The following TMEM184C variants were observed in gnomAD, a reference collection of about 807,000 sequenced individuals.
The protein encoded by TMEM184C is transmembrane protein 34.
A neutral mutation model predicts 54.5 loss-of-function variants in TMEM184C; 25 were observed. The observed-to-expected ratio is 0.46, with a 90% CI of 0.33 to 0.64. The LOEUF is 0.64. Ranked by LOEUF, TMEM184C falls within the 30% of genes least tolerant of loss-of-function variation. The pLI, the probability that TMEM184C is intolerant of heterozygous loss-of-function variation, is 0.02. For missense variants in TMEM184C, 335 were observed against 520.3 expected (o/e 0.64, Z 3.46); for synonymous variants, 148 against 181.5 (o/e 0.82, Z 1.49).
chr4:147,634,195 A>T lies in TMEM184C; in HGVS notation c.1078A>T (p.Lys360Ter). 6.2e-7 allele frequency: 1 copy of T among 1,613,828 alleles called. No individual in the cohort carries two copies. Among genetic ancestry groups the T allele is most frequent in the Non-Finnish European group, 8.5e-7 (1 of 1,179,850 alleles). The change falls in exon 10 of 10, where the codon AAA becomes TAA. Residue 360 changes from lysine to a stop codon, truncating the protein, a stop_gained. Coordinates refer to ENST00000296582, the MANE Select transcript of TMEM184C (RefSeq NM_018241.3). LOFTEE classifies it high-confidence loss of function. ...VGRTVRGHPRKKLFPEDQDQN... is the reference protein window; with the variant it reads ...VGRTVRGHPR The stretch of plus-strand genomic sequence containing the variant: ...ACGGACAGTCAGGGGACATCCCAGG[A>T]AAAAATTGTTTCCCGAGGATCAAGA...
Position 147,617,782 on chromosome 4 carries a change from C to T in TMEM184C, c.-175C>T. The T allele has an allele frequency of 1.3e-6, 1 of 780,286 alleles. No individual in the cohort carries two copies. 48.3% of individuals were successfully genotyped at this position (780,286 alleles called of 1,614,324 possible). ...TGAGAGGCTACATTTGCAGAAGCAG[C>T]AGCAGCAGAAGACACAGCGCCGGTC... On this transcript the variant is annotated 5_prime_UTR_variant, in exon 1 of 10. Transcript: ENST00000296582.
chr4:147,630,175 T>A (rs956617557), intron 6 of TMEM184C, among the ~76,000 whole-genome samples: 1 of 152,034 alleles, frequency 6.6e-6, no homozygotes, highest in African/African-American at 2.4e-5. Flanking sequence ...TTTAAAAAAA[T>A]GGATGATGTT....
chr4:147,633,875 T>C lies in TMEM184C; in HGVS notation c.990T>C (p.Phe330=), dbSNP rs1383712805. The C allele has an allele frequency of 6.2e-7, 1 of 1,613,932 alleles. No individual in the cohort carries two copies. The highest frequency in any genetic ancestry group is 1.3e-5 in the African/African-American group (1 of 74,932). ...AAGAGGGCTCATGCTTTGATTCCTTTCTTGCCATGTGGGATGTCTCAGATA... is the reference window on the plus strand; with the variant it reads ...AAGAGGGCTCATGCTTTGATTCCTTCCTTGCCATGTGGGATGTCTCAGATA... The part of the protein sequence containing the change: ...EAEEGSCFDS[F]LAMWDVSDIR... The change falls in exon 9 of 10, where the codon TTT becomes TTC. Residue 330 remains phenylalanine, a synonymous_variant. Coordinates refer to ENST00000296582, the MANE Select transcript of TMEM184C (RefSeq NM_018241.3).
intron 4 of TMEM184C, among the ~76,000 whole-genome samples, chr4:147,628,067 G>T (rs892159115): frequency 5.9e-5 from 9 of 152,234 alleles, no homozygotes; most frequent in Admixed American, 4.6e-4. Flanking sequence ...GCTGAGGTGG[G>T]AGGATCACTT....
intron 5 of TMEM184C, 49 bp downstream of exon 5, chr4:147,628,484 T>C: frequency 6.8e-7 from 1 of 1,460,918 alleles, no homozygotes; most frequent in Non-Finnish European, 9.6e-7. Flanking sequence ...CTTGTGATCT[T>C]ATGTGGGAAC....
In TMEM184C at chr4:147,618,139, A is replaced by G. The variant is rs556873319; in HGVS notation, c.123+60A>G. ...TCTTCTACCCATCTATGGTTGGGAA[A>G]GAGACACCCTTACCCCATTTCTGCC... On this transcript the variant is annotated intron_variant, in intron 1 of 9. Coordinates refer to ENST00000296582, the MANE Select transcript of TMEM184C (RefSeq NM_018241.3). 15 of 1,607,674 alleles carry G rather than the reference A, an allele frequency of 9.3e-6. No individual in the cohort carries two copies. The African/African-American group carries it at 1.2e-4, about 13-fold the overall frequency.
chr4:147,624,972 C>G lies in TMEM184C; in HGVS notation c.460C>G (p.Pro154Ala). Residue 154 changes from proline to alanine, a missense_variant, in exon 4 of 10, where the codon CCT (proline) becomes GCT (alanine). By Grantham distance (27) the Pro-to-Ala change is conservative. Coordinates refer to ENST00000296582, the MANE Select transcript of TMEM184C (RefSeq NM_018241.3). ...LEAKDQQKHF[P>A]PLCCCPPWAM... ...AGCCAAAGATCAACAGAAACATTTC[C>G]CTCCTTTATGTTGCTGTCCACCATG... The G allele has an allele frequency of 6.2e-7, 1 of 1,613,882 alleles. No individual in the cohort carries two copies. The highest frequency in any genetic ancestry group is 8.5e-7 in the Non-Finnish European group (1 of 1,179,884).
At chr4:147,624,732 AGTACCATGAATG>A (rs1732780567) in intron 3 of TMEM184C, 60 bp from the exon 4 acceptor site, 2 of 1,426,978 alleles carry the variant, frequency 1.4e-6, no homozygotes, top group Non-Finnish European at 1.9e-6. Context: ...GCTTATTGTG[AGTACCATGAATG>A]GAGTGGTGAT....
chr4:147,627,889 G>T (rs1170615771), intron 4 of TMEM184C, among the ~76,000 whole-genome samples: 1 of 151,132 alleles, frequency 6.6e-6, no homozygotes, highest in Non-Finnish European at 1.5e-5. Flanking sequence ...TTAGCCAGGT[G>T]TGGTGGTATG....
rs1489365966 is a variant in TMEM184C, at chr4:147,617,612, C to T, written c.-345C>T. The T allele has an allele frequency of 3.4e-6, 1 of 293,422 alleles. No homozygotes were observed. The highest frequency in any genetic ancestry group is 3.9e-5 in the Admixed American group (1 of 25,832). The allele number at this position is 293,422 out of a possible 1,614,324, so 18.2% of individuals were successfully genotyped here. On this transcript the variant is annotated 5_prime_UTR_variant, in exon 1 of 10. Transcript: ENST00000296582. ...AGGCCGGTTCCTGGTCTGTGCTGCT[C>T]TCCTGGAAGCCATGGTACAGGCAGA...
intron 4 of TMEM184C, among the ~76,000 whole-genome samples, chr4:147,628,154 A>C (rs72947812): frequency 1.3e-5 from 2 of 152,226 alleles, no homozygotes; most frequent in Admixed American, 6.5e-5. Flanking sequence ...ATAAGATCCT[A>C]TATCTCAAAA....
chr4:147,631,787 A>G (rs1001722009), intron 7 of TMEM184C, among the ~76,000 whole-genome samples: 2 of 152,228 alleles, frequency 1.3e-5, no homozygotes, highest in African/African-American at 4.8e-5. Flanking sequence ...ATAGAATACT[A>G]TGGAGTTTGG....
chr4:147,628,877 T>C (rs1228242415), intron 5 of TMEM184C, among the ~76,000 whole-genome samples: 1 of 152,158 alleles, frequency 6.6e-6, no homozygotes, highest in Admixed American at 6.5e-5. Flanking sequence ...TGAGGTAAAA[T>C]GGGGTATCAT....
intron 8 of TMEM184C, 122 bp from the exon 9 acceptor site, chr4:147,633,643 C>A: frequency 1.2e-6 from 1 of 819,742 alleles, no homozygotes; most frequent in Non-Finnish European, 1.7e-6. Flanking sequence ...TGAATATAAT[C>A]TGAGAAGAAA....
intron 4 of TMEM184C, among the ~76,000 whole-genome samples, chr4:147,626,124 C>T (rs1197323687): frequency 6.6e-6 from 1 of 152,132 alleles, no homozygotes; most frequent in African/African-American, 2.4e-5. Context: ...ATATCACAAG[C>T]ACTGATCTTA....
Position 147,617,431 on chromosome 4 carries a change from C to G in TMEM184C, c.-526C>G, listed in dbSNP as rs1732615991. On this transcript the variant is annotated 5_prime_UTR_variant, in exon 1 of 10. Transcript: ENST00000296582. ...TTGGGTTCCGCTGTAGGGGAGGTCC[C>G]GTGCGAAAGAATGAGGAGATCCTGG... The G allele has an allele frequency of 1.3e-5, 2 of 156,120 alleles. No individual in the cohort carries two copies. The highest frequency in any genetic ancestry group is 6.1e-5 in the Admixed American group (1 of 16,424). 9.7% of individuals were successfully genotyped at this position (156,120 alleles called of 1,614,324 possible). A position where few individuals can be genotyped will look rare whatever the true frequency, so the allele number is the denominator to read the frequency against.
intron 4 of TMEM184C, among the ~76,000 whole-genome samples, chr4:147,625,967 G>A (rs193204504): frequency 6.6e-6 from 1 of 152,280 alleles, no homozygotes; most frequent in African/African-American, 2.4e-5. Flanking sequence ...TGAGCCATGA[G>A]TGCTGATTGG....
At chr4:147,623,694 T>C in intron 1 of TMEM184C, 140 bp from the exon 2 acceptor site, 1 of 690,910 alleles carries the variant, frequency 1.4e-6, no homozygotes, top group Non-Finnish European at 2.3e-6. Context: ...CCCAGGCTGG[T>C]TTCAAACTCC....
At chr4:147,632,356 A>G (rs1442861157) in intron 7 of TMEM184C, among the ~76,000 whole-genome samples, 1 of 152,110 alleles carries the variant, frequency 6.6e-6, no homozygotes, top group African/African-American at 2.4e-5. Flanking sequence ...AACTCCAGAG[A>G]AAGTTTCATA....
Sources: allele counts gnomAD v4.1 joint callset (sites outside exome capture counted in the v4.1 genomes callset), GRCh38; gene constraint gnomAD v4.1.1; transcripts MANE v1.5; gene names NCBI Gene and HGNC (gene_info 2026-07-23, HGNC 2026-07-21).